PPP4R1: variants seen among roughly 807,000 people sequenced by gnomAD.
PPP4R1 encodes protein phosphatase 4 regulatory subunit 1, also known as serine/threonine-protein phosphatase 4 regulatory subunit 1.
In PPP4R1, 42 loss-of-function variants were observed where a neutral mutation model predicts 111.2. The observed-to-expected ratio is 0.38, with a 90% confidence interval of 0.29 to 0.49. The LOEUF (loss-of-function observed/expected upper bound fraction) is 0.49, where lower values mean the gene tolerates loss of function less well. Ranked by LOEUF, PPP4R1 falls within the 20% of genes least tolerant of loss-of-function variation. PPP4R1 has a pLI of 0.97. For missense variants in PPP4R1, 1,012 were observed against 1,161.6 expected (o/e 0.87, Z 1.87); for synonymous variants, 409 against 405.5 (o/e 1.01, Z -0.10).
intron 13 of PPP4R1, among the ~76,000 whole-genome samples, chr18:9,559,823 G>A (rs1339920198): frequency 6.6e-6 from 1 of 152,090 alleles, no homozygotes; most frequent in Admixed American, 6.5e-5. Context: ...GCAACTCTAG[G>A]AGAACAATGA....
At chr18:9,572,426 C>G (rs1419108100) in intron 10 of PPP4R1, among the ~76,000 whole-genome samples, 7 of 152,128 alleles carry the variant, frequency 4.6e-5, no homozygotes, top group African/African-American at 1.4e-4. Context: ...AAAGCAATGT[C>G]TTTCTGAGAA....
chr18:9,550,515 G>A (rs1318233329), intron 16 of PPP4R1, 117 bp from the exon 17 acceptor site: 11 of 1,185,680 alleles, frequency 9.3e-6, no homozygotes, highest in South Asian at 3.0e-5. Flanking sequence ...TCAAACATAC[G>A]CAAAGAGGAG....
At position 9,562,067 on chromosome 18, in the gene PPP4R1, G is replaced by A. The variant is rs1201915597; in HGVS notation, c.1755C>T (p.Asp585=). The change falls in exon 13 of 20, where the codon GAC becomes GAT. Residue 585 remains aspartate (D), a synonymous_variant. Transcript: ENST00000400556. Reference sequence around the variant, plus strand: ...CGCTGTGAATATAGTGAAGAGTGGAGTCCATATTCTGTTAGGAAAAAATAA... The same window carrying A: ...CGCTGTGAATATAGTGAAGAGTGGAATCCATATTCTGTTAGGAAAAAATAA... ...PLISDAVENM[D]STLHYIHSDS... is the part of the protein sequence containing the mutation. 3.1e-6 allele frequency: 5 copies of A among 1,609,346 alleles called. No individual in the cohort carries two copies. In the African/African-American group the frequency reaches 5.3e-5, roughly 17 times the overall value.
At chr18:9,558,005 T>C (rs918836509) in intron 14 of PPP4R1, among the ~76,000 whole-genome samples, 8 of 152,182 alleles carry the variant, frequency 5.3e-5, no homozygotes, top group Non-Finnish European at 1.0e-4. Flanking sequence ...AATATAAGAC[T>C]AGGGAAATCA....
intron 18 of PPP4R1, 103 bp downstream of exon 18, chr18:9,549,949 T>C (rs755959300): frequency 1.2e-4 from 181 of 1,520,544 alleles, no homozygotes; most frequent in Non-Finnish European, 1.5e-4. Context: ...TAAGGTTCTG[T>C]TCCTTAAGAG....
At chr18:9,555,226 G>T (rs2066552292) in intron 15 of PPP4R1, among the ~76,000 whole-genome samples, 1 of 152,046 alleles carries the variant, frequency 6.6e-6, no homozygotes, top group South Asian at 2.1e-4. Context: ...ATCTGAGCTG[G>T]GAGAGGTGGA....
At chr18:9,551,702 ACTGCAACTGTGGGAG>A (rs2066491269) in intron 16 of PPP4R1, 1 of 152,238 alleles carries the variant, frequency 6.6e-6, no homozygotes, top group African/African-American at 2.4e-5. Context: ...CAGCAAAAAT[ACTGCAACTGTGGGAG>A]AGGAGAACTA....
chr18:9,557,703 A>G (rs975782640), intron 14 of PPP4R1, among the ~76,000 whole-genome samples: 4 of 152,206 alleles, frequency 2.6e-5, no homozygotes, highest in African/African-American at 4.8e-5. Flanking sequence ...ATTACTCCTA[A>G]GCTCTTCCAT....
intron 2 of PPP4R1, chr18:9,613,410 A>C (rs1246728083): frequency 2.0e-5 from 3 of 152,224 alleles, no homozygotes; most frequent in Non-Finnish European, 4.4e-5. Flanking sequence ...GAGGCTTAGA[A>C]AAGTACATAT....
At chr18:9,591,813 T>A (rs993973420) in intron 4 of PPP4R1, among the ~76,000 whole-genome samples, 3 of 152,178 alleles carry the variant, frequency 2.0e-5, no homozygotes, top group Non-Finnish European at 4.4e-5. Flanking sequence ...ATGCCTGTAA[T>A]CTCAGCACTT....
At chr18:9,602,545 C>CA (rs772730508) in intron 2 of PPP4R1, among the ~76,000 whole-genome samples, 1,757 of 99,090 alleles carry the variant, frequency 0.018, 32 homozygotes, top group African/African-American at 0.055. Context: ...GACTCTGTCT[C>CA]AAAAAAAAAA....
intron 15 of PPP4R1, chr18:9,556,978 C>T: frequency 3.2e-6 from 1 of 315,024 alleles, no homozygotes; most frequent in South Asian, 5.2e-5. Flanking sequence ...ACATACATTT[C>T]ACTCAATAAT....
intron 6 of PPP4R1, among the ~76,000 whole-genome samples, chr18:9,585,695 G>A (rs761757276): frequency 4.6e-5 from 7 of 152,118 alleles, no homozygotes; most frequent in Non-Finnish European, 7.4e-5. Context: ...AAGGTTGTAG[G>A]CTATAAATTA....
At chr18:9,552,613 C>G (rs887485429) in intron 16 of PPP4R1, among the ~76,000 whole-genome samples, 5 of 152,124 alleles carry the variant, frequency 3.3e-5, no homozygotes, top group African/African-American at 1.2e-4. Flanking sequence ...TTTGGCAGTT[C>G]CTCAAGAAAT....
chr18:9,554,874 C>T (rs919329517), intron 15 of PPP4R1, among the ~76,000 whole-genome samples: 9 of 152,196 alleles, frequency 5.9e-5, no homozygotes, highest in Non-Finnish European at 1.2e-4. Flanking sequence ...ATGCTCAAAA[C>T]AAATGACAGA....
chr18:9,583,019 T>C, intron 9 of PPP4R1, 98 bp downstream of exon 9: 1 of 1,083,072 alleles, frequency 9.2e-7, no homozygotes, highest in Non-Finnish European at 1.2e-6. Flanking sequence ...AAATAATATA[T>C]CTTAAATTAT....
chr18:9,560,927 T>C (rs113278167), intron 13 of PPP4R1, among the ~76,000 whole-genome samples: 23 of 151,694 alleles, frequency 1.5e-4, no homozygotes, highest in African/African-American at 5.6e-4. Flanking sequence ...AATAATAATA[T>C]AATCCTAAGG....
intron 2 of PPP4R1, among the ~76,000 whole-genome samples, chr18:9,598,210 T>G (rs376203005): frequency 6.6e-6 from 1 of 152,140 alleles, no homozygotes; most frequent in East Asian, 1.9e-4. Context: ...CAAATATATG[T>G]GCAAATGGAG....
At chr18:9,593,287 C>T (rs1426082149) in intron 4 of PPP4R1, among the ~76,000 whole-genome samples, 1 of 152,020 alleles carries the variant, frequency 6.6e-6, no homozygotes. Context: ...ATTTTCTAAG[C>T]CTTAAATCAA....
Sources: gnomAD v4.1 joint callset for allele counts (sites outside exome capture counted in the v4.1 genomes callset) on GRCh38, gnomAD v4.1.1 for gene constraint, MANE v1.5 for transcripts, NCBI Gene and HGNC (gene_info 2026-07-23, HGNC 2026-07-21) for gene names.